Variants in SACM1L observed in about 807,000 individuals in gnomAD.
SACM1L encodes the protein SAC1 like phosphatidylinositide phosphatase.
SACM1L carries 32 observed loss-of-function variants against 89.5 expected under a neutral mutation model. The ratio of observed to expected loss-of-function variants is 0.36; its 90% CI spans 0.27 to 0.48. The LOEUF (loss-of-function observed/expected upper bound fraction) is 0.48. Ranked by LOEUF, SACM1L falls within the 20% of genes least tolerant of loss-of-function variation. The pLI is 0.99. For synonymous variants in SACM1L, 213 were observed against 232.8 expected (o/e 0.92, Z 0.77); for missense variants, 543 against 708.5 (o/e 0.77, Z 2.65).
intron 13 of SACM1L, among the ~76,000 whole-genome samples, chr3:45,733,526 G>A (rs7638902): frequency 0.25 from 37,970 of 151,886 alleles, 5,636 homozygotes; most frequent in East Asian, 0.54. Context: ...AACTCTAAAC[G>A]AACCTTACCA....
At chr3:45,714,291 G>C (rs1391809893) in intron 7 of SACM1L, among the ~76,000 whole-genome samples, 4 of 143,678 alleles carry the variant, frequency 2.8e-5, no homozygotes, top group Non-Finnish European at 3.0e-5. Context: ...TTCTCTCTCT[G>C]TTCAAGAGTT....
At chr3:45,735,005 A>G (rs538161345) in intron 13 of SACM1L, 4 of 417,450 alleles carry the variant, frequency 9.6e-6, no homozygotes, top group African/African-American at 2.0e-5. Context: ...TTGGGGTGAG[A>G]TGATCTCTAA....
intron 1 of SACM1L, among the ~76,000 whole-genome samples, chr3:45,695,839 C>A (rs1287991275): frequency 1.3e-5 from 2 of 152,084 alleles, no homozygotes; most frequent in South Asian, 4.2e-4. Flanking sequence ...CTGTATCCTC[C>A]CAGCCCCTGG....
At chr3:45,718,074 A>G (rs1278464022) in intron 7 of SACM1L, among the ~76,000 whole-genome samples, 2 of 152,244 alleles carry the variant, frequency 1.3e-5, no homozygotes, top group African/African-American at 4.8e-5. Context: ...CCTTAGAGCC[A>G]TTTCTGCTTA....
intron 7 of SACM1L, among the ~76,000 whole-genome samples, chr3:45,719,241 G>A (rs1423624345): frequency 6.6e-6 from 1 of 152,048 alleles, no homozygotes; most frequent in African/African-American, 2.4e-5. Context: ...GAGAATATCA[G>A]GAAAAGGGAA....
At chr3:45,740,997 G>A (rs1044298043) in intron 19 of SACM1L, among the ~76,000 whole-genome samples, 1 of 152,148 alleles carries the variant, frequency 6.6e-6, no homozygotes, top group African/African-American at 2.4e-5. Context: ...AGTTAATAAA[G>A]CATTTAAGAT....
At chr3:45,743,455 A>C (rs1212480790) in intron 19 of SACM1L, 78 bp from the exon 20 acceptor site, 5 of 1,459,782 alleles carry the variant, frequency 3.4e-6, no homozygotes, top group African/African-American at 1.4e-5. Flanking sequence ...AATGTTGCCA[A>C]AATGTGCTAA....
At chr3:45,716,080 TAG>T (rs1698650942) in intron 7 of SACM1L, among the ~76,000 whole-genome samples, 1 of 152,114 alleles carries the variant, frequency 6.6e-6, no homozygotes, top group Non-Finnish European at 1.5e-5. Flanking sequence ...ATGACTGGAA[TAG>T]AGAGTGGACA....
intron 7 of SACM1L, among the ~76,000 whole-genome samples, chr3:45,715,564 A>G (rs1197928876): frequency 6.6e-6 from 1 of 152,198 alleles, no homozygotes; most frequent in Non-Finnish European, 1.5e-5. Flanking sequence ...TCATGAGGTC[A>G]GGAGTTCGAG....
At chr3:45,724,334 T>TGTGTGTGTGTGTGTGTG (rs1553653984) in intron 11 of SACM1L, among the ~76,000 whole-genome samples, 2 of 151,486 alleles carry the variant, frequency 1.3e-5, no homozygotes, top group African/African-American at 4.9e-5. Flanking sequence ...TGTGTGTGTG[T>TGTGTGTGTGTGTGTGTG]TTAATGATAG....
intron 1 of SACM1L, among the ~76,000 whole-genome samples, chr3:45,692,057 A>G (rs182580970): frequency 1.6e-4 from 25 of 152,262 alleles, no homozygotes; most frequent in African/African-American, 6.0e-4. Flanking sequence ...ATCCCCTTCT[A>G]GCTTCAAACT....
Position 45,722,079 on chromosome 3 carries a change from T to C in SACM1L, c.759T>C (p.Phe253=), listed in dbSNP as rs535319597. 1 of 1,607,864 alleles carries C rather than the reference T, an allele frequency of 6.2e-7. No homozygotes were observed. Among genetic ancestry groups the C allele is most frequent in the East Asian group, 2.2e-5 (1 of 44,726 alleles). The change falls in exon 9 of 20, where the codon TTT becomes TTC. Residue 253 remains phenylalanine (F), a synonymous_variant. Coordinates refer to ENST00000389061, the MANE Select transcript of SACM1L (RefSeq NM_014016.5). ...IVHYNGSKAS[F]VQTRGSIPVF... ...ACTACAATGGGAGCAAAGCTTCGTT[T>C]GTACAGGCAAGTTGTTATGTCTGTT...
intron 12 of SACM1L, 104 bp from the exon 13 acceptor site, chr3:45,731,949 T>C (rs2125702848): frequency 1.5e-6 from 1 of 677,250 alleles, no homozygotes; most frequent in South Asian, 2.0e-5. Flanking sequence ...CCAAGAAATA[T>C]GTATGCACTG....
intron 18 of SACM1L, among the ~76,000 whole-genome samples, chr3:45,739,283 A>G (rs1211952740): frequency 2.0e-5 from 3 of 152,186 alleles, no homozygotes; most frequent in South Asian, 2.1e-4. Flanking sequence ...CAGTGTGTCA[A>G]GTGCTCTGGA....
chr3:45,743,167 GTAT>G (rs1259476938), intron 19 of SACM1L, among the ~76,000 whole-genome samples: 2 of 152,074 alleles, frequency 1.3e-5, no homozygotes, highest in African/African-American at 2.4e-5. Context: ...ATAGTTATTT[GTAT>G]TATTAAAATA....
chr3:45,737,462 T>A, intron 14 of SACM1L, 121 bp from the exon 15 acceptor site: 1 of 981,520 alleles, frequency 1.0e-6, no homozygotes, highest in Non-Finnish European at 1.6e-6. Context: ...ACAACAGACA[T>A]TTCTGGCCTG....
At chr3:45,723,033 T>C (rs1412434225) in intron 10 of SACM1L, 78 bp downstream of exon 10, 2 of 1,190,714 alleles carry the variant, frequency 1.7e-6, no homozygotes, top group Non-Finnish European at 2.5e-6. Context: ...AAAGAATGTA[T>C]TTATTCCGCA....
At chr3:45,710,194 T>A (rs568541935) in intron 5 of SACM1L, among the ~76,000 whole-genome samples, 1 of 152,060 alleles carries the variant, frequency 6.6e-6, no homozygotes, top group Non-Finnish European at 1.5e-5. Context: ...AGGTTTTTTT[T>A]ATTTTGCTTT....
chr3:45,710,548 G>A (rs1164766284), intron 5 of SACM1L, among the ~76,000 whole-genome samples: 1 of 146,826 alleles, frequency 6.8e-6, no homozygotes, highest in Non-Finnish European at 1.5e-5. Flanking sequence ...TTTAAAATTA[G>A]GTTTCATATG....
Sources: allele counts gnomAD v4.1 joint callset (sites outside exome capture counted in the v4.1 genomes callset), GRCh38; gene constraint gnomAD v4.1.1; transcripts MANE v1.5; gene names NCBI Gene and HGNC (gene_info 2026-07-23, HGNC 2026-07-21).